The following C1orf162 variants were observed in gnomAD, a reference collection of about 807,000 sequenced individuals.
C1orf162 encodes transmembrane protein C1orf162.
In C1orf162, 10 loss-of-function variants were observed where a neutral mutation model predicts 11.4. That is an observed-to-expected ratio of 0.88 (90% CI 0.54 to 1.48). C1orf162 has a LOEUF of 1.48. Among genes scored for constraint, C1orf162 ranks in the 40% most tolerant of loss-of-function variants. The probability of loss-of-function intolerance (pLI) is 0.00; values close to 1 mark genes in which losing one functional copy is unlikely to be tolerated. For synonymous variants in C1orf162, 53 were observed against 55.0 expected, an observed-to-expected ratio of 0.96 and a Z score of 0.16; for missense variants, 140 against 149.5, an observed-to-expected ratio of 0.94 and a Z score of 0.33.
At position 111,478,046 on chromosome 1, in the gene C1orf162, A is replaced by G. The variant is rs1654059613; in HGVS notation, c.316A>G (p.Lys106Glu). 6.2e-7 allele frequency: 1 copy of G among 1,614,006 alleles called. No homozygotes were observed. Among genetic ancestry groups the G allele is most frequent in the Admixed American group, 1.7e-5 (1 of 60,012 alleles). Residue 106 changes from lysine (K) to glutamate (E), a missense_variant, in exon 6 of 6, where the codon AAG becomes GAG. Transcript: ENST00000369718. The stretch of plus-strand genomic sequence containing the variant: ...CACAACTTTCAAACTCTCAGAAGAA[A>G]AGAGCAATCACTTGGCTGAGAACCA... ...ASTTFKLSEE[K>E]SNHLAENHSA...
chr1:111,477,659 G>T (rs1654043291), intron 4 of C1orf162, 67 bp from the exon 5 acceptor site: 1 of 1,613,328 alleles, frequency 6.2e-7, no homozygotes, highest in Non-Finnish European at 8.5e-7. Flanking sequence ...AGATCGAAGG[G>T]AGAGGCTTCC....
At chr1:111,475,320 G>A (rs138793923) in intron 1 of C1orf162, 2 of 152,324 alleles carry the variant, frequency 1.3e-5, no homozygotes, top group Non-Finnish European at 2.9e-5. Flanking sequence ...TAAAAGGAAA[G>A]ACACTAAAAA....
At chr1:111,476,307 G>T (rs1653988486) in intron 2 of C1orf162, among the ~76,000 whole-genome samples, 1 of 152,176 alleles carries the variant, frequency 6.6e-6, no homozygotes, top group African/African-American at 2.4e-5. Flanking sequence ...GGTGGGTCCT[G>T]CTCCCCTATT....
intron 2 of C1orf162, 139 bp from the exon 3 acceptor site, chr1:111,476,659 C>G: frequency 2.6e-6 from 2 of 771,490 alleles, no homozygotes; most frequent in Non-Finnish European, 4.5e-6. Context: ...ACAATGTTCT[C>G]TCATTTTTGT....
At chr1:111,475,891 G>T (rs1291015258) in intron 1 of C1orf162, 127 bp from the exon 2 acceptor site, 2 of 668,688 alleles carry the variant, frequency 3.0e-6, no homozygotes, top group Non-Finnish European at 5.5e-6. Context: ...ACCACTGATG[G>T]CACTAGAACA....
chr1:111,477,917 G>C, intron 5 of C1orf162, 66 bp from the exon 6 acceptor site: 1 of 1,606,506 alleles, frequency 6.2e-7, no homozygotes. Flanking sequence ...TGCTCAGGTT[G>C]CTTCTAAAGA....
chr1:111,476,971 G>A (rs1654012863), intron 3 of C1orf162, 104 bp downstream of exon 3: 2 of 1,250,840 alleles, frequency 1.6e-6, no homozygotes, highest in Admixed American at 1.7e-5. Flanking sequence ...TGGGGAGAAA[G>A]GACTAGAAAC....
chr1:111,478,193 C>G lies in C1orf162; in HGVS notation c.*70C>G. The G allele has an allele frequency of 2.5e-6, 4 of 1,586,058 alleles. No homozygotes were observed. In the South Asian group the frequency reaches 4.4e-5, roughly 18 times the overall value. On this transcript the variant is annotated 3_prime_UTR_variant, in exon 6 of 6. Coordinates refer to ENST00000369718, the MANE Select transcript of C1orf162 (RefSeq NM_001300834.2). ...GCCCTATCTTCACACATCACTTTCA[C>G]TTTTTTACAAATTTTGGACCACCAC...
rs1654049504 is a variant in C1orf162 at position 111,477,785 on chromosome 1, CCA to C, written c.252+14_252+15del. 6.2e-7 allele frequency: 1 copy of C among 1,613,918 alleles called. No individual in the cohort carries two copies. The highest frequency in any genetic ancestry group is 8.5e-7 in the Non-Finnish European group (1 of 1,179,924). On this transcript the variant is annotated intron_variant, in intron 5 of 5. Coordinates refer to ENST00000369718, the MANE Select transcript of C1orf162 (RefSeq NM_001300834.2). ...AGATCCTCCAGCCAAGGTAAGATGA[CCA>C]CACTGTTTTGGGGACACTGAAGGGC...
chr1:111,476,777 T>A (rs1654004488), intron 2 of C1orf162, 21 bp from the exon 3 acceptor site: 1 of 1,611,138 alleles, frequency 6.2e-7, no homozygotes, highest in African/African-American at 1.3e-5. Context: ...ATACACTAAT[T>A]CCTTTTGTGT....
At chr1:111,477,683 C>T in intron 4 of C1orf162, 43 bp from the exon 5 acceptor site, 1 of 1,613,690 alleles carries the variant, frequency 6.2e-7, no homozygotes, top group Non-Finnish European at 8.5e-7. Context: ...TTCCCCAGGC[C>T]CATTGCTGAG....
At position 111,477,339 on chromosome 1, in the gene C1orf162, A is replaced by T; in HGVS notation, c.113A>T (p.Lys38Ile). 1 of 1,614,000 alleles carries T rather than the reference A, an allele frequency of 6.2e-7. No homozygotes were observed. The highest frequency in any genetic ancestry group is 1.3e-5 in the African/African-American group (1 of 75,028). The change falls in exon 4 of 6, where the codon AAA becomes ATA. Residue 38 changes from lysine to isoleucine, a missense_variant. Lys to Ile is a moderately radical substitution (Grantham distance 102). Coordinates refer to ENST00000369718, the MANE Select transcript of C1orf162 (RefSeq NM_001300834.2). ...APCLSNHHNKKHLILAFCAGV... is the reference protein window; with the variant it reads ...APCLSNHHNKIHLILAFCAGV... ...GCCTTTCTTTGCCAAAACAGCAAAA[A>T]ACATTTAATCCTTGCCTTTTGTGCT...
chr1:111,476,133 G>T, intron 2 of C1orf162, 68 bp downstream of exon 2: 1 of 1,455,722 alleles, frequency 6.9e-7, no homozygotes, highest in South Asian at 1.1e-5. Flanking sequence ...TTGTGCTGAA[G>T]GGCTGTAATG....
intron 1 of C1orf162, chr1:111,475,016 C>G (rs1653945932): frequency 6.7e-6 from 1 of 149,818 alleles, no homozygotes; most frequent in Non-Finnish European, 1.5e-5. Flanking sequence ...TTTTGGCCTC[C>G]TAAAAAAAAA....
chr1:111,477,983 C>G lies in C1orf162; in HGVS notation c.253C>G (p.Leu85Val). ...ATTCCTCCTTTTTCTCCCTCTGCAG[C>G]TTTCATCCATCCCAGGGGAATCACT... is the stretch of plus-strand genomic sequence containing the variant. ...PDPHSDPPAK[L>V]SSIPGESLTY... Residue 85 changes from leucine (L) to valine (V), a missense_variant and splice_region_variant, in exon 6 of 6, where the codon CTT (leucine) becomes GTT (valine). Leu to Val is a conservative substitution (Grantham distance 32). Transcript: ENST00000369718. 1 of 1,614,192 alleles carries G rather than the reference C, an allele frequency of 6.2e-7. No individual in the cohort carries two copies.
At chr1:111,474,346 A>G (rs536695655) in intron 1 of C1orf162, among the ~76,000 whole-genome samples, 101 of 152,246 alleles carry the variant, frequency 6.6e-4, no homozygotes, top group Middle Eastern at 3.4e-3. Flanking sequence ...TCCCTGTGGT[A>G]TTGTACGATG....
chr1:111,475,738 G>A, intron 1 of C1orf162: 1 of 367,806 alleles, frequency 2.7e-6, no homozygotes, highest in Admixed American at 3.5e-5. Flanking sequence ...CCTGTGAGTT[G>A]GTTGGTGGGA....
At chr1:111,477,276 TTAGGA>T in intron 3 of C1orf162, 53 bp from the exon 4 acceptor site, 1 of 1,442,942 alleles carries the variant, frequency 6.9e-7, no homozygotes, top group African/African-American at 1.4e-5. Flanking sequence ...GTTTCACTCT[TTAGGA>T]AAGGCCTTCA....
rs1653916574 is a variant in C1orf162, at chr1:111,474,011, A to G, written c.-31A>G. 6.6e-6 allele frequency: 1 copy of G among 152,194 alleles called. No homozygotes were observed. The highest frequency in any genetic ancestry group is 2.4e-5 in the African/African-American group (1 of 41,432). 9.4% of individuals were successfully genotyped at this position (152,194 alleles called of 1,614,324 possible). ...TCTTAGACGACTGCGTCGTGCTATG[A>G]CCGGACTTTTTCTTGAAAGGTAAAT... is the stretch of plus-strand genomic sequence containing the variant. On this transcript the variant is annotated 5_prime_UTR_variant, in exon 1 of 6. Transcript: ENST00000369718.
Sources: allele counts gnomAD v4.1 joint callset (sites outside exome capture counted in the v4.1 genomes callset), GRCh38; gene constraint gnomAD v4.1.1; transcripts MANE v1.5; gene names NCBI Gene and HGNC (gene_info 2026-07-23, HGNC 2026-07-21).